The following TEX29 variants were observed in gnomAD, a reference collection of about 807,000 sequenced individuals.
The protein encoded by TEX29 is testis expressed 29.
TEX29 carries 26 observed loss-of-function variants against 18.2 expected under a neutral mutation model. The observed-to-expected ratio is 1.43, with a 90% confidence interval of 1.04 to 1.98. The LOEUF (loss-of-function observed/expected upper bound fraction) is 1.98, where lower values mean the gene tolerates loss of function less well. Ranked by LOEUF, TEX29 falls within the 30% of genes most tolerant of loss-of-function variation. The pLI, the probability that TEX29 is intolerant of heterozygous loss-of-function variation, is 0.00. For synonymous variants in TEX29, 83 were observed against 78.5 expected, an observed-to-expected ratio of 1.06 and a Z score of -0.31; for missense variants, 177 against 194.2, an observed-to-expected ratio of 0.91 and a Z score of 0.53.
In TEX29 at chr13:111,328,174, C is replaced by G. The variant is rs2093677112; in HGVS notation, c.59-9C>G. ...GGGGTGACACTTGTGTATGTCTGTGCTTTTGCAGTGTGTGACGTTCCTCTG... is the reference window on the plus strand; with the variant it reads ...GGGGTGACACTTGTGTATGTCTGTGGTTTTGCAGTGTGTGACGTTCCTCTG... On this transcript the variant is annotated splice_polypyrimidine_tract_variant and intron_variant, in intron 2 of 5. Transcript: ENST00000283547. 1.3e-6 allele frequency: 2 copies of G among 1,588,430 alleles called. No individual in the cohort carries two copies. Among genetic ancestry groups the G allele is most frequent in the African/African-American group, 1.3e-5 (1 of 74,558 alleles).
At chr13:111,322,588 A>G (rs1004371666) in intron 2 of TEX29, among the ~76,000 whole-genome samples, 9 of 152,064 alleles carry the variant, frequency 5.9e-5, no homozygotes, top group African/African-American at 2.2e-4. Flanking sequence ...GTGCCAGGTC[A>G]CCCAAGGCAC....
chr13:111,331,263 T>C (rs568683157), intron 3 of TEX29, among the ~76,000 whole-genome samples: 3 of 151,932 alleles, frequency 2.0e-5, no homozygotes, highest in Admixed American at 1.3e-4. Context: ...TTGTATCTCA[T>C]TGTGGTTTTG....
chr13:111,338,334 A>C (rs909792831), intron 3 of TEX29, among the ~76,000 whole-genome samples: 8 of 152,312 alleles, frequency 5.3e-5, no homozygotes, highest in African/African-American at 1.7e-4. Context: ...GAGGAAAGAC[A>C]GCCACGTGAC....
At chr13:111,321,118 G>A (rs1325988421) in intron 2 of TEX29, among the ~76,000 whole-genome samples, 170 bp downstream of exon 2, 1 of 152,178 alleles carries the variant, frequency 6.6e-6, no homozygotes, top group Non-Finnish European at 1.5e-5. Context: ...GGAAAACGCT[G>A]TGAAGACTTC....
intron 3 of TEX29, among the ~76,000 whole-genome samples, chr13:111,329,818 C>T (rs752990903): frequency 5.9e-5 from 9 of 152,002 alleles, no homozygotes; most frequent in African/African-American, 1.4e-4. Context: ...CCACCTGGAG[C>T]GGGAGGTGTC....
At chr13:111,324,615 CAG>C (rs58237521) in intron 2 of TEX29, among the ~76,000 whole-genome samples, 1 of 152,050 alleles carries the variant, frequency 6.6e-6, no homozygotes, top group Non-Finnish European at 1.5e-5. Context: ...GTGCGTTTCA[CAG>C]AGAGAGGGCA....
intron 4 of TEX29, among the ~76,000 whole-genome samples, chr13:111,341,869 G>T (rs899958826): frequency 5.3e-5 from 8 of 152,242 alleles, no homozygotes; most frequent in African/African-American, 1.9e-4. Flanking sequence ...ACTGTCCCCG[G>T]ACTGGGATGA....
chr13:111,334,382 G>A (rs879793301), intron 3 of TEX29, among the ~76,000 whole-genome samples: 2 of 152,230 alleles, frequency 1.3e-5, no homozygotes, highest in African/African-American at 4.8e-5. Flanking sequence ...GGAAACACAA[G>A]CCTCTCAGAC....
chr13:111,343,991 C>A, intron 5 of TEX29, 92 bp from the exon 6 acceptor site: 1 of 1,045,538 alleles, frequency 9.6e-7, no homozygotes, highest in Non-Finnish European at 1.5e-6. Flanking sequence ...AATCAGACAC[C>A]ATGTAGATGG....
At position 111,320,914 on chromosome 13, in the gene TEX29, GA is replaced by G; in HGVS notation, c.26del (p.Asn9ThrfsTer7). ...CAATGGAATACGTGCTGGAAGTGAAGAACTCTCCGCGGCACCTCCTGAAGCA... is the reference window on the plus strand; with the variant it reads ...CAATGGAATACGTGCTGGAAGTGAAGACTCTCCGCGGCACCTCCTGAAGCA... MEYVLEVK[N>X]SPRHLLKQFT... On this transcript the variant is annotated frameshift_variant, in exon 2 of 6. Coordinates refer to ENST00000283547, the MANE Select transcript of TEX29 (RefSeq NM_152324.3). LOFTEE classifies it high-confidence loss of function. 2 of 1,464,668 alleles carry G rather than the reference GA, an allele frequency of 1.4e-6. No homozygotes were observed. Among genetic ancestry groups the G allele is most frequent in the Non-Finnish European group, 1.8e-6 (2 of 1,088,452 alleles). 90.7% of individuals were successfully genotyped at this position (1,464,668 alleles called of 1,614,324 possible).
intron 2 of TEX29, among the ~76,000 whole-genome samples, chr13:111,327,006 C>T (rs1020232373): frequency 6.6e-6 from 1 of 152,094 alleles, no homozygotes; most frequent in Non-Finnish European, 1.5e-5. Flanking sequence ...ACCCCAGGCC[C>T]CTCTGAGCCT....
At chr13:111,321,564 G>GT (rs1354359006) in intron 2 of TEX29, among the ~76,000 whole-genome samples, 1 of 152,016 alleles carries the variant, frequency 6.6e-6, no homozygotes, top group Admixed American at 6.6e-5. Context: ...CTACTTGAAT[G>GT]TTTTTTTCTC....
chr13:111,323,634 G>A (rs916487074), intron 2 of TEX29, among the ~76,000 whole-genome samples: 2 of 152,080 alleles, frequency 1.3e-5, no homozygotes, highest in Admixed American at 6.5e-5. Context: ...CCGAATCCCC[G>A]GGATCTGTGG....
intron 2 of TEX29, among the ~76,000 whole-genome samples, 169 bp downstream of exon 2, chr13:111,321,117 T>G (rs1279162910): frequency 2.0e-5 from 3 of 152,160 alleles, no homozygotes; most frequent in East Asian, 1.9e-4. Flanking sequence ...GGGAAAACGC[T>G]GTGAAGACTT....
At chr13:111,322,388 C>T (rs74959765) in intron 2 of TEX29, among the ~76,000 whole-genome samples, 2,025 of 152,358 alleles carry the variant, frequency 0.013, 43 homozygotes, top group African/African-American at 0.045. Context: ...GGGGAGAAAG[C>T]GCTCCCTCTT....
At chr13:111,328,140 T>G in intron 2 of TEX29, 43 bp from the exon 3 acceptor site, 4 of 1,348,218 alleles carry the variant, frequency 3.0e-6, no homozygotes, top group Non-Finnish European at 3.2e-6. Context: ...CAGAGTGGCT[T>G]TGTTTTCGGG....
intron 5 of TEX29, 43 bp from the exon 6 acceptor site, chr13:111,344,040 A>G (rs368660128): frequency 4.5e-5 from 68 of 1,517,984 alleles, no homozygotes; most frequent in Non-Finnish European, 6.1e-5. Flanking sequence ...GGACTGCTGA[A>G]TATTCCATTT....
In TEX29 at chr13:111,328,199, G is replaced by A. The variant is rs1399620988; in HGVS notation, c.75G>A (p.Leu25=). The stretch of plus-strand genomic sequence containing the variant: ...CTTTTGCAGTGTGTGACGTTCCTCT[G>A]TATGACATTTGTGACTACAACGTCT... ...LKQFTVCDVP[L]YDICDYNVSR... Residue 25 remains leucine (L), a synonymous_variant, in exon 3 of 6, where the codon CTG becomes CTA. Coordinates refer to ENST00000283547, the MANE Select transcript of TEX29 (RefSeq NM_152324.3). The A allele has an allele frequency of 1.2e-6, 2 of 1,613,360 alleles. No homozygotes were observed. Among genetic ancestry groups the A allele is most frequent in the Non-Finnish European group, 1.7e-6 (2 of 1,179,350 alleles).
At chr13:111,323,285 C>T (rs902610731) in intron 2 of TEX29, among the ~76,000 whole-genome samples, 12 of 152,172 alleles carry the variant, frequency 7.9e-5, no homozygotes, top group African/African-American at 2.7e-4. Context: ...CCCTGGATGG[C>T]GGGTGACCTG....
Sources: gnomAD v4.1 joint callset for allele counts (sites outside exome capture counted in the v4.1 genomes callset) on GRCh38, gnomAD v4.1.1 for gene constraint, MANE v1.5 for transcripts, NCBI Gene and HGNC (gene_info 2026-07-23, HGNC 2026-07-21) for gene names.